The following PHKB variants were observed in gnomAD, a reference collection of about 807,000 sequenced individuals.
PHKB encodes phosphorylase kinase regulatory subunit beta.
In PHKB, 122 loss-of-function variants were observed where a neutral mutation model predicts 152.1. The ratio of observed to expected loss-of-function variants is 0.80; its 90% confidence interval spans 0.69 to 0.93. The LOEUF is 0.93. Among genes scored for constraint, PHKB ranks in the 40% least tolerant of loss-of-function variants. The probability of loss-of-function intolerance (pLI) is 0.00; values close to 1 mark genes in which losing one functional copy is unlikely to be tolerated. For missense variants in PHKB, 1,304 were observed against 1,328.4 expected, an observed-to-expected ratio of 0.98 and a Z score of 0.29; for synonymous variants, 436 against 464.9, an observed-to-expected ratio of 0.94 and a Z score of 0.80.
At chr16:47,490,713 C>T (rs945431885) in intron 1 of PHKB, among the ~76,000 whole-genome samples, 4 of 152,200 alleles carry the variant, frequency 2.6e-5, no homozygotes, top group Non-Finnish European at 4.4e-5. Flanking sequence ...AATTATTTGA[C>T]TGAGAAATTT....
chr16:47,516,852 C>G (rs1244016514), intron 6 of PHKB, among the ~76,000 whole-genome samples: 1 of 152,132 alleles, frequency 6.6e-6, no homozygotes, highest in African/African-American at 2.4e-5. Context: ...TCAAAGAATT[C>G]TATGGTTTCA....
At position 47,558,571 on chromosome 16, in the gene PHKB, A is replaced by G. The variant is rs559856767; in HGVS notation, c.710+11023A>G. Among the ~76,000 whole-genome samples the G allele has an allele frequency of 2.0e-5, 3 of 152,216 alleles. No homozygotes were observed. The East Asian group carries it at 5.8e-4, about 29-fold the overall frequency. On this transcript the variant is annotated intron_variant, in intron 7 of 30. Coordinates refer to ENST00000323584, the MANE Select transcript of PHKB (RefSeq NM_000293.3). Reference sequence around the variant, plus strand: ...TTTTGTTTGTTTTTGTTGTTTTGAGACAGAGTCTCACTCTGTTGCTCTGGC... The same window carrying G: ...TTTTGTTTGTTTTTGTTGTTTTGAGGCAGAGTCTCACTCTGTTGCTCTGGC...
intron 7 of PHKB, among the ~76,000 whole-genome samples, chr16:47,559,310 T>C (rs1370855468): frequency 1.3e-5 from 2 of 152,184 alleles, no homozygotes; most frequent in Admixed American, 1.3e-4. Flanking sequence ...AAATTGTAAT[T>C]GGCCTAATTG....
chr16:47,650,841 T>A lies in PHKB; in HGVS notation c.1891T>A (p.Phe631Ile). 6.2e-7 allele frequency: 1 copy of A among 1,612,376 alleles called. No homozygotes were observed. Among genetic ancestry groups the A allele is most frequent in the Non-Finnish European group, 8.5e-7 (1 of 1,178,492 alleles). Residue 631 changes from phenylalanine (F) to isoleucine (I), a missense_variant, in exon 20 of 31, where the codon TTC becomes ATC. Coordinates refer to ENST00000323584, the MANE Select transcript of PHKB (RefSeq NM_000293.3). ...ATTTATATTTTTTAGAGGTAGCCGGTTCAACCCCATATTAGATATGCTGGC... is the reference window on the plus strand; with the variant it reads ...ATTTATATTTTTTAGAGGTAGCCGGATCAACCCCATATTAGATATGCTGGC... ...IREDNIRGSR[F>I]NPILDMLAAL...
At chr16:47,687,455 A>G (rs1973984467) in intron 26 of PHKB, among the ~76,000 whole-genome samples, 1 of 152,234 alleles carries the variant, frequency 6.6e-6, no homozygotes, top group Admixed American at 6.5e-5. Context: ...CCAGTAACAT[A>G]GGTGTAGTCC....
In PHKB at chr16:47,660,567, A is replaced by G. The variant is rs1597158344; in HGVS notation, c.2033A>G (p.Glu678Gly). The change falls in exon 21 of 31, where the codon GAG (glutamate) becomes GGG (glycine). Residue 678 changes from glutamate (E) to glycine (G), a missense_variant and splice_region_variant. Physicochemically the swap from Glu to Gly is moderately conservative, Grantham distance 98 (BLOSUM62 -2). Coordinates refer to ENST00000323584, the MANE Select transcript of PHKB (RefSeq NM_000293.3). ...TTCCTACGAATCAGTGACACAGAAGAGTAAGTCCCTTTGGGTTATTTCATT... is the reference window on the plus strand; with the variant it reads ...TTCCTACGAATCAGTGACACAGAAGGGTAAGTCCCTTTGGGTTATTTCATT... ...LDFLRISDTE[E>G]LPEFKSFEEL... is the part of the protein sequence containing the mutation. 1 of 1,613,188 alleles carries G rather than the reference A, an allele frequency of 6.2e-7. No individual in the cohort carries two copies.
intron 1 of PHKB, among the ~76,000 whole-genome samples, chr16:47,474,764 G>C (rs891317094): frequency 6.8e-6 from 1 of 146,932 alleles, no homozygotes; most frequent in Non-Finnish European, 1.5e-5. Flanking sequence ...TGCTCTTGTT[G>C]CTCAGGCTAG....
chr16:47,602,542 C>CTTTTTTTTTTTTTTT (rs34655174), intron 13 of PHKB, among the ~76,000 whole-genome samples: 9 of 122,638 alleles, frequency 7.3e-5, no homozygotes, highest in African/African-American at 1.5e-4. Context: ...GCTTCTCTTC[C>CTTTTTTTTTTTTTTT]TTTTTTTTTT....
intron 7 of PHKB, among the ~76,000 whole-genome samples, chr16:47,577,168 G>C (rs922551202): frequency 2.0e-5 from 3 of 151,934 alleles, no homozygotes; most frequent in Non-Finnish European, 4.4e-5. Context: ...TATCAATAGT[G>C]GTTTTGATTG....
At chr16:47,636,859 C>T (rs1394087777) in intron 14 of PHKB, among the ~76,000 whole-genome samples, 1 of 152,160 alleles carries the variant, frequency 6.6e-6, no homozygotes, top group African/African-American at 2.4e-5. Flanking sequence ...CAGGGATGAC[C>T]TGAAGCCTGG....
intron 1 of PHKB, among the ~76,000 whole-genome samples, chr16:47,477,850 G>A (rs906037064): frequency 6.6e-6 from 1 of 152,176 alleles, no homozygotes; most frequent in African/African-American, 2.4e-5. Flanking sequence ...GTCACCAGTA[G>A]CATGTTTATT....
chr16:47,567,605 G>T (rs924705078), intron 7 of PHKB, among the ~76,000 whole-genome samples: 1 of 152,094 alleles, frequency 6.6e-6, no homozygotes, highest in African/African-American at 2.4e-5. Flanking sequence ...AGGCATTCTT[G>T]TCTTGTTCTA....
chr16:47,639,921 C>T (rs1972986973), intron 14 of PHKB, among the ~76,000 whole-genome samples: 1 of 151,966 alleles, frequency 6.6e-6, no homozygotes, highest in African/African-American at 2.4e-5. Flanking sequence ...TTTTTTCTCA[C>T]CCTTTTGGAA....
intron 4 of PHKB, among the ~76,000 whole-genome samples, chr16:47,507,623 G>T (rs1390687430): frequency 1.3e-5 from 2 of 152,086 alleles, no homozygotes. Flanking sequence ...CTCCCAAAGT[G>T]CTAGGATTAC....
rs1321843580 is a variant in PHKB at position 47,699,425 on chromosome 16, G to A, written c.*59G>A. The A allele has an allele frequency of 5.0e-6, 8 of 1,595,194 alleles. No homozygotes were observed. The East Asian group carries it at 1.1e-4, about 22-fold the overall frequency. ...TGTTCTGAAGTGTGTTGTGTTTCAT[G>A]TTCAAGCTTAATCAAGGCAGCCATT... On this transcript the variant is annotated 3_prime_UTR_variant, in exon 31 of 31. Transcript: ENST00000323584.
At chr16:47,564,469 G>A (rs945914587) in intron 7 of PHKB, among the ~76,000 whole-genome samples, 1 of 151,950 alleles carries the variant, frequency 6.6e-6, no homozygotes, top group African/African-American at 2.4e-5. Flanking sequence ...GGCCATTTGT[G>A]TATCTTTTGA....
rs771531628 is a variant in PHKB at position 47,650,839 on chromosome 16, G to A, written c.1889G>A (p.Arg630Gln). 7.4e-6 allele frequency: 12 copies of A among 1,611,026 alleles called. No individual in the cohort carries two copies. The highest frequency in any genetic ancestry group is 2.2e-5 in the East Asian group (1 of 44,840). Residue 630 changes from arginine to glutamine, a missense_variant, in exon 20 of 31, where the codon CGG (arginine) becomes CAG (glutamine). Transcript: ENST00000323584. ...LIREDNIRGSRFNPILDMLAA... is the reference protein window; with the variant it reads ...LIREDNIRGSQFNPILDMLAA... ...TTATTTATATTTTTTAGAGGTAGCC[G>A]GTTCAACCCCATATTAGATATGCTG...
At chr16:47,581,581 CCT>C (rs1404614980) in intron 8 of PHKB, among the ~76,000 whole-genome samples, 1 of 152,178 alleles carries the variant, frequency 6.6e-6, no homozygotes, top group Non-Finnish European at 1.5e-5. Flanking sequence ...GATAATAGGA[CCT>C]AACTCAGGAG....
Position 47,497,433 on chromosome 16 carries a change from T to C in PHKB, c.111T>C (p.Leu37=), listed in dbSNP as rs202244329. 6.2e-7 allele frequency: 1 copy of C among 1,609,264 alleles called. No individual in the cohort carries two copies. Among genetic ancestry groups the C allele is most frequent in the Non-Finnish European group, 8.5e-7 (1 of 1,177,672 alleles). ...ATGAACCTCTTAAAAGCATTAATCT[T>C]CCAAGACCTGATAATGAAACTCTCT... is the stretch of plus-strand genomic sequence containing the variant. ...SVYEPLKSIN[L]PRPDNETLWD... Residue 37 remains leucine (L), a synonymous_variant, in exon 2 of 31, where the codon CTT becomes CTC. Transcript: ENST00000323584.
Sources: allele counts gnomAD v4.1 joint callset (sites outside exome capture counted in the v4.1 genomes callset), GRCh38; gene constraint gnomAD v4.1.1; transcripts MANE v1.5; gene names NCBI Gene and HGNC (gene_info 2026-07-23, HGNC 2026-07-21).